Variants in GRM4 observed in about 807,000 individuals in gnomAD.
GRM4 encodes the protein metabotropic glutamate receptor 4.
In GRM4, 28 loss-of-function variants were observed where a neutral mutation model predicts 81.7. That is an observed-to-expected ratio of 0.34 (90% CI 0.25 to 0.47). The LOEUF is 0.47. GRM4 is among the 20% of genes least tolerant of loss of function. The probability of loss-of-function intolerance (pLI) is 1.00; values close to 1 mark genes in which losing one functional copy is unlikely to be tolerated. For missense variants in GRM4, 948 were observed against 1,290.0 expected (o/e 0.73, Z 4.06); for synonymous variants, 488 against 528.8 (o/e 0.92, Z 1.06).
At chr6:34,091,631 A>C in intron 3 of GRM4, 2 of 541,366 alleles carry the variant, frequency 3.7e-6, no homozygotes, top group Non-Finnish European at 3.3e-6. Flanking sequence ...TGCACCAGGG[A>C]GGTCAACAGT....
chr6:34,146,695 A>C (rs573926193), upstream of GRM4, among the ~76,000 whole-genome samples: 1 of 152,318 alleles, frequency 6.6e-6, no homozygotes, highest in East Asian at 1.9e-4. Context: ...GCAGAGCTGG[A>C]GAGGTTGGCC....
intron 1 of GRM4, among the ~76,000 whole-genome samples, chr6:34,140,446 T>C (rs1457385088): frequency 1.3e-5 from 2 of 152,116 alleles, no homozygotes; most frequent in Middle Eastern, 3.4e-3. Flanking sequence ...AGGCAGGGAC[T>C]CATCACCAGA....
intron 1 of GRM4, among the ~76,000 whole-genome samples, chr6:34,142,382 C>A (rs1245977553): frequency 6.6e-6 from 1 of 152,066 alleles, no homozygotes; most frequent in South Asian, 2.1e-4. Context: ...GGTTCTAGAC[C>A]GAGCAGAGGA....
intron 3 of GRM4, among the ~76,000 whole-genome samples, chr6:34,077,220 G>A (rs1767360040): frequency 6.6e-6 from 1 of 152,102 alleles, no homozygotes; most frequent in Admixed American, 6.5e-5. Context: ...GCTGTCCAGA[G>A]TTGAAAGCTC....
At chr6:34,072,815 A>C (rs1003799578) in intron 3 of GRM4, among the ~76,000 whole-genome samples, 60 of 138,924 alleles carry the variant, frequency 4.3e-4, no homozygotes, top group Non-Finnish European at 5.5e-4. Context: ...TACACACCAC[A>C]CACAACCACA....
rs531649436 is a variant in GRM4, at chr6:34,048,041, G to A, written c.1169-7293C>T. Among the ~76,000 whole-genome samples, 48 of 152,336 alleles carry A rather than the reference G, an allele frequency of 3.2e-4. No individual in the cohort carries two copies. The highest frequency in any genetic ancestry group is 4.1e-4 in the South Asian group (2 of 4,824). On this transcript the variant is annotated intron_variant, in intron 6 of 10. Coordinates refer to ENST00000538487, the MANE Select transcript of GRM4 (RefSeq NM_000841.4). This position sits in a 1 kb window ranked among gnomAD's most constrained non-coding sequence, Gnocchi z 4.0. Reference sequence around the variant, plus strand: ...AAATGACCACAGCAGCAGAGAAGCCGTGTCTCTCAGACTGGGAGAGCTCAC... The same window carrying A: ...AAATGACCACAGCAGCAGAGAAGCCATGTCTCTCAGACTGGGAGAGCTCAC...
chr6:34,099,682 G>A (rs1768729106), intron 2 of GRM4, among the ~76,000 whole-genome samples: 1 of 152,130 alleles, frequency 6.6e-6, no homozygotes, highest in South Asian at 2.1e-4. Flanking sequence ...CCCCACGGAG[G>A]CCTCACACAC....
At chr6:34,099,786 C>T (rs1445548260) in intron 2 of GRM4, among the ~76,000 whole-genome samples, 1 of 152,142 alleles carries the variant, frequency 6.6e-6, no homozygotes, top group African/African-American at 2.4e-5. Context: ...ACTGTGTGGG[C>T]ACAACTGGGT....
intron 2 of GRM4, among the ~76,000 whole-genome samples, chr6:34,126,765 C>T (rs964569261): frequency 6.6e-6 from 1 of 152,236 alleles, no homozygotes; most frequent in Non-Finnish European, 1.5e-5. Context: ...CTCCCATTCC[C>T]CATCCCTCCA....
intron 10 of GRM4, among the ~76,000 whole-genome samples, chr6:34,023,967 G>A (rs994947710): frequency 1.3e-5 from 2 of 152,248 alleles, no homozygotes; most frequent in African/African-American, 4.8e-5. Context: ...CGAGTCTGGA[G>A]AGAAGCAGTG....
At position 34,121,107 on chromosome 6, in the gene GRM4, A is replaced by G. The variant is rs574544943; in HGVS notation, c.519+11871T>C. On this transcript the variant is annotated intron_variant, in intron 2 of 10. Transcript: ENST00000538487. This position sits in a 1 kb window ranked among gnomAD's most constrained non-coding sequence, Gnocchi z 4.6. ...ACATGCCACTCATTTTCAATAAAGT[A>G]AAAGGCGGCGTGGTGAGAGCTGCAC... Among the ~76,000 whole-genome samples the G allele has an allele frequency of 4.3e-4, 65 of 152,224 alleles. No homozygotes were observed. Among genetic ancestry groups the G allele is most frequent in the African/African-American group, 1.4e-3 (58 of 41,532 alleles).
At chr6:34,044,919 T>C (rs1008194112) in intron 6 of GRM4, among the ~76,000 whole-genome samples, 2 of 150,266 alleles carry the variant, frequency 1.3e-5, no homozygotes, top group African/African-American at 5.0e-5. Context: ...TACATACACA[T>C]ATATACACAG....
intron 3 of GRM4, among the ~76,000 whole-genome samples, chr6:34,065,301 C>T (rs1344588706): frequency 6.6e-6 from 1 of 152,188 alleles, no homozygotes; most frequent in East Asian, 1.9e-4. Flanking sequence ...AACACTCCCG[C>T]AGACGCCTGC....
chr6:34,103,340 C>A (rs957075104), intron 2 of GRM4, among the ~76,000 whole-genome samples: 1 of 152,048 alleles, frequency 6.6e-6, no homozygotes, highest in Non-Finnish European at 1.5e-5. Context: ...TTCTTAGGCA[C>A]CCAGGAAAAA....
chr6:34,022,872 T>C lies in GRM4; in HGVS notation c.2690-2A>G. On this transcript the variant is annotated splice_acceptor_variant, in intron 10 of 10. Transcript: ENST00000538487. LOFTEE classifies it high-confidence loss of function. The surrounding 1 kb of genome is among the most constrained non-coding windows in gnomAD (Gnocchi z 5.6). ...CGTAAGTCTGTTTGGTGGCCAGCGC[T>C]GGAAGGAGAGAGACCAGGGGTACCC... 6.2e-7 allele frequency: 1 copy of C among 1,613,628 alleles called. No homozygotes were observed. The highest frequency in any genetic ancestry group is 8.5e-7 in the Non-Finnish European group (1 of 1,179,484).
At chr6:34,139,654 A>C (rs1770598023) in intron 1 of GRM4, among the ~76,000 whole-genome samples, 1 of 152,116 alleles carries the variant, frequency 6.6e-6, no homozygotes, top group Non-Finnish European at 1.5e-5. Flanking sequence ...TATGTTCCCC[A>C]CGCCCAGTCC....
At chr6:34,058,584 G>A (rs187513977) in intron 5 of GRM4, among the ~76,000 whole-genome samples, 1 of 152,278 alleles carries the variant, frequency 6.6e-6, no homozygotes, top group Admixed American at 6.5e-5. Flanking sequence ...TGCCCTGAGA[G>A]GAGGGGATTC....
rs193212536 is a variant in GRM4 at position 34,035,583 on chromosome 6, G to T, written c.2442+85C>A. Reference sequence around the variant, plus strand: ...ATGAAAGAAGGCATTTCTGGAGCAGGGGGGAGGCCAGCCAGCCTCAGGAGG... The same window carrying T: ...ATGAAAGAAGGCATTTCTGGAGCAGTGGGGAGGCCAGCCAGCCTCAGGAGG... On this transcript the variant is annotated intron_variant, in intron 9 of 10. Coordinates refer to ENST00000538487, the MANE Select transcript of GRM4 (RefSeq NM_000841.4). This position sits in a 1 kb window ranked among gnomAD's most constrained non-coding sequence, Gnocchi z 6.6. 7.4e-4 allele frequency: 510 copies of T among 693,828 alleles called. 1 individual carries two copies. In the African/African-American group the frequency reaches 0.014, roughly 19 times the overall value. 43.0% of individuals were successfully genotyped at this position (693,828 alleles called of 1,614,324 possible). A position where few individuals can be genotyped will look rare whatever the true frequency, so the allele number is the denominator to read the frequency against.
chr6:34,036,355 C>T lies in GRM4; in HGVS notation c.1755G>A (p.Ser585=), dbSNP rs12173276. 1.4e-5 allele frequency: 22 copies of T among 1,613,310 alleles called. No homozygotes were observed. The African/African-American group carries it at 1.5e-4, about 11-fold the overall frequency. ...GGAAGAGGGGCAGCACGGCCCAGGGCGAGCCCCACTCAAGCTTGATGATGG... is the reference window on the plus strand; with the variant it reads ...GGAAGAGGGGCAGCACGGCCCAGGGTGAGCCCCACTCAAGCTTGATGATGG... ...PIPIIKLEWG[S]PWAVLPLFLA... is the part of the protein sequence containing the mutation. Residue 585 remains serine, a synonymous_variant, in exon 9 of 11, where the codon TCG becomes TCA. Coordinates refer to ENST00000538487, the MANE Select transcript of GRM4 (RefSeq NM_000841.4). The surrounding 1 kb of genome is among the most constrained non-coding windows in gnomAD (Gnocchi z 9.0).
Sources: gnomAD v4.1 joint callset for allele counts (sites outside exome capture counted in the v4.1 genomes callset) on GRCh38, gnomAD v4.1.1 for gene constraint, Gnocchi (gnomAD v3.1) non-coding constraint, MANE v1.5 for transcripts, NCBI Gene and HGNC (gene_info 2026-07-23, HGNC 2026-07-21) for gene names.